Variants in ASTN2 observed in about 807,000 individuals in gnomAD.
ASTN2 encodes the protein astrotactin 2.
ASTN2 carries 54 observed loss-of-function variants against 139.8 expected under a neutral mutation model. That is an observed-to-expected ratio of 0.39 (90% CI 0.31 to 0.48). The LOEUF (loss-of-function observed/expected upper bound fraction) is 0.48. Among genes scored for constraint, ASTN2 ranks in the 20% least tolerant of loss-of-function variants. ASTN2 has a pLI of 0.95. For synonymous variants in ASTN2, 756 were observed against 719.5 expected (o/e 1.05, Z -0.81); for missense variants, 1,565 against 1,725.1 (o/e 0.91, Z 1.64).
rs566942826 is a variant in ASTN2 at position 116,961,759 on chromosome 9, T to G, written c.1889+13449A>C. On this transcript the variant is annotated intron_variant, in intron 10 of 22. Transcript: ENST00000313400. ...AACCTTAGGAAGGGCAAGTAGAGTATGCAGAAAACAAGAGTCACAATAATT... is the reference window on the plus strand; with the variant it reads ...AACCTTAGGAAGGGCAAGTAGAGTAGGCAGAAAACAAGAGTCACAATAATT... 4.6e-5 allele frequency among the ~76,000 whole-genome samples: 7 copies of G among 152,328 alleles called. No individual in the cohort carries two copies. In the East Asian group the frequency reaches 9.7e-4, roughly 21 times the overall value.
At chr9:117,185,329 A>T (rs747324090) in intron 3 of ASTN2, among the ~76,000 whole-genome samples, 10 of 152,192 alleles carry the variant, frequency 6.6e-5, no homozygotes, top group Non-Finnish European at 1.5e-4. Flanking sequence ...GCTTTTCACA[A>T]ATCAGTCTCC....
intron 13 of ASTN2, among the ~76,000 whole-genome samples, chr9:116,778,198 A>G (rs1364123035): frequency 2.2e-5 from 1 of 45,890 alleles, no homozygotes; most frequent in Non-Finnish European, 7.7e-5. Context: ...ACACCCAAGA[A>G]GCAAACACTT....
At chr9:116,556,580 G>C (rs920190238) in intron 19 of ASTN2, among the ~76,000 whole-genome samples, 2 of 152,182 alleles carry the variant, frequency 1.3e-5, no homozygotes, top group African/African-American at 2.4e-5. Context: ...TTCTAAAATT[G>C]TGTTGGAACA....
In ASTN2 at chr9:117,141,335, T is replaced by G; in HGVS notation, c.1159A>C (p.Lys387Gln). ...TGCCAGGAGGGCCTACCTCGAGACT[T>G]GCTCCTCCGCTTCCTCTTCCCTGCC... is the stretch of plus-strand genomic sequence containing the variant. ...TSAGKRKRRS[K>Q]SRGGISFGRA... The change falls in exon 4 of 23, where the codon AAG becomes CAG. Residue 387 changes from lysine (K) to glutamine (Q), a missense_variant. Transcript: ENST00000313400. 2 of 1,367,258 alleles carry G rather than the reference T, an allele frequency of 1.5e-6. No individual in the cohort carries two copies. Among genetic ancestry groups the G allele is most frequent in the Non-Finnish European group, 2.0e-6 (2 of 1,021,688 alleles). 84.7% of individuals were successfully genotyped at this position (1,367,258 alleles called of 1,614,324 possible). A position where few individuals can be genotyped will look rare whatever the true frequency, so the allele number is the denominator to read the frequency against.
At chr9:117,061,908 T>G (rs1031010780) in intron 5 of ASTN2, among the ~76,000 whole-genome samples, 2 of 152,176 alleles carry the variant, frequency 1.3e-5, no homozygotes, top group African/African-American at 2.4e-5. Context: ...ATATGCCACA[T>G]AGTATAGTCA....
intron 3 of ASTN2, among the ~76,000 whole-genome samples, chr9:117,141,747 G>A (rs7026699): frequency 0.013 from 1,943 of 152,224 alleles, 53 homozygotes; most frequent in African/African-American, 0.045. Context: ...GAGACTAGAG[G>A]GCTTGGTCGT....
At chr9:116,815,666 G>A (rs746480904) in intron 12 of ASTN2, among the ~76,000 whole-genome samples, 4 of 151,350 alleles carry the variant, frequency 2.6e-5, no homozygotes, top group Non-Finnish European at 5.9e-5. Context: ...TTAGTCGGGC[G>A]CGGTGGTGGG....
intron 7 of ASTN2, among the ~76,000 whole-genome samples, chr9:116,980,329 G>A (rs1394654162): frequency 6.6e-6 from 1 of 151,690 alleles, no homozygotes; most frequent in Non-Finnish European, 1.5e-5. Flanking sequence ...ACACTACATG[G>A]GTGCAATATA....
intron 6 of ASTN2, among the ~76,000 whole-genome samples, chr9:117,033,229 T>A (rs1838297269): frequency 6.6e-6 from 1 of 152,128 alleles, no homozygotes; most frequent in Admixed American, 6.6e-5. Context: ...ACCAAACGCT[T>A]CTCTTCCCCT....
intron 10 of ASTN2, among the ~76,000 whole-genome samples, chr9:116,921,417 T>C (rs1834601264): frequency 6.6e-6 from 1 of 151,916 alleles, no homozygotes; most frequent in African/African-American, 2.4e-5. Context: ...TGAAACTCTG[T>C]CTGTACTAAA....
At position 116,741,714 on chromosome 9, in the gene ASTN2, T is replaced by G. The variant is rs190359331; in HGVS notation, c.2397-8191A>C. ...AAGCTGGGAGGTGCTGGGCTAGATT[T>G]TGTAGCTGTCCTGCAGGTGCCGGAG... On this transcript the variant is annotated intron_variant, in intron 13 of 22. Transcript: ENST00000313400. Among the ~76,000 whole-genome samples, 3 of 152,246 alleles carry G rather than the reference T, an allele frequency of 2.0e-5. No homozygotes were observed. The East Asian group carries it at 5.8e-4, about 29-fold the overall frequency.
intron 19 of ASTN2, chr9:116,585,885 A>G (rs1477892153): frequency 6.6e-6 from 1 of 152,226 alleles, no homozygotes; most frequent in African/African-American, 2.4e-5. Context: ...ACAGAATGAA[A>G]GAAAATATTC....
At chr9:117,204,915 TTGGCCTGC>T (rs56156436) in intron 3 of ASTN2, among the ~76,000 whole-genome samples, 143,703 of 151,992 alleles carry the variant, frequency 0.95, 68,173 homozygotes, top group Non-Finnish European at 0.99. Flanking sequence ...GCATGATGTT[TTGGCCTGC>T]TGGTATTACT....
intron 19 of ASTN2, among the ~76,000 whole-genome samples, chr9:116,544,058 T>G (rs1851989179): frequency 6.6e-6 from 1 of 152,168 alleles, no homozygotes. Flanking sequence ...CCAAATTCCC[T>G]GCAGAAACAC....
chr9:116,878,241 G>A (rs1018508001), intron 10 of ASTN2, among the ~76,000 whole-genome samples: 1 of 152,138 alleles, frequency 6.6e-6, no homozygotes, highest in Non-Finnish European at 1.5e-5. Context: ...CCATTATAAA[G>A]ATACATGGCA....
chr9:116,576,023 G>A (rs1047531926), intron 19 of ASTN2, among the ~76,000 whole-genome samples: 1 of 152,160 alleles, frequency 6.6e-6, no homozygotes, highest in Admixed American at 6.5e-5. Flanking sequence ...CAAAGTAGCA[G>A]AATTATAAGT....
chr9:116,745,317 C>T (rs1268234564), intron 13 of ASTN2, among the ~76,000 whole-genome samples: 1 of 152,184 alleles, frequency 6.6e-6, no homozygotes, highest in East Asian at 1.9e-4. Flanking sequence ...TGCCTGATAC[C>T]TTCTCTGAAC....
intron 12 of ASTN2, among the ~76,000 whole-genome samples, chr9:116,815,841 GCTCA>G (rs1010433175): frequency 5.1e-5 from 5 of 97,446 alleles, no homozygotes; most frequent in East Asian, 7.1e-4. Context: ...TGATGAAATG[GCTCA>G]CTATCTCTTA....
At chr9:116,567,511 G>A (rs1853295507) in intron 19 of ASTN2, among the ~76,000 whole-genome samples, 2 of 152,136 alleles carry the variant, frequency 1.3e-5, no homozygotes, top group African/African-American at 2.4e-5. Flanking sequence ...GGGTGGATAG[G>A]GGCTCTCATG....
Sources: gnomAD v4.1 joint callset for allele counts (sites outside exome capture counted in the v4.1 genomes callset) on GRCh38, gnomAD v4.1.1 for gene constraint, MANE v1.5 for transcripts, NCBI Gene and HGNC (gene_info 2026-07-23, HGNC 2026-07-21) for gene names.